The following IL27RA variants were observed in gnomAD, a reference collection of about 807,000 sequenced individuals.
IL27RA encodes interleukin 27 receptor subunit alpha, also known as interleukin-27 receptor subunit alpha.
In IL27RA, 61 loss-of-function variants were observed where a neutral mutation model predicts 80.8. The ratio of observed to expected loss-of-function variants is 0.76; its 90% CI spans 0.61 to 0.93. The LOEUF is 0.93. Among genes scored for constraint, IL27RA ranks in the 40% least tolerant of loss-of-function variants. The pLI, the probability that IL27RA is intolerant of heterozygous loss-of-function variation, is 0.00. For synonymous variants in IL27RA, 316 were observed against 332.5 expected (o/e 0.95, Z 0.54); for missense variants, 735 against 808.1 (o/e 0.91, Z 1.10).
At chr19:14,039,410 G>A in intron 2 of IL27RA, 98 bp from the exon 3 acceptor site, 5 of 1,392,966 alleles carry the variant, frequency 3.6e-6, no homozygotes, top group Non-Finnish European at 4.9e-6. Flanking sequence ...TTGAACCCAA[G>A]CAGAGCAGGC....
intron 6 of IL27RA, among the ~76,000 whole-genome samples, chr19:14,044,583 A>G (rs1001850284): frequency 6.6e-6 from 1 of 152,050 alleles, no homozygotes; most frequent in Admixed American, 6.6e-5. Flanking sequence ...TCAAGGACCA[A>G]CTGCCTGTTT....
In IL27RA at chr19:14,042,332, C is replaced by G. The variant is rs541646499; in HGVS notation, c.535-121C>G. The G allele has an allele frequency of 6.4e-6, 7 of 1,086,528 alleles. No homozygotes were observed. The East Asian group carries it at 1.4e-4, about 22-fold the overall frequency. 67.3% of individuals were successfully genotyped at this position (1,086,528 alleles called of 1,614,324 possible). On this transcript the variant is annotated intron_variant, in intron 4 of 13. Coordinates refer to ENST00000263379, the MANE Select transcript of IL27RA (RefSeq NM_004843.4). The stretch of plus-strand genomic sequence containing the variant: ...AGTGAGCCAAGATCACACCACTGCA[C>G]TCTAGCCTGGGCCACAACGAGACTG...
At chr19:14,044,126 C>T (rs771054969) in intron 6 of IL27RA, among the ~76,000 whole-genome samples, 26 of 151,700 alleles carry the variant, frequency 1.7e-4, no homozygotes, top group Non-Finnish European at 3.4e-4. Flanking sequence ...ATCTGTGAAG[C>T]ACCTGCTATG....
At position 14,042,756 on chromosome 19, in the gene IL27RA, G is replaced by A. The variant is rs780931987; in HGVS notation, c.735G>A (p.Thr245=). ...GGGTATCAGGGAACCTCTGTGGGAC[G>A]CCTGGAGGAGAGGAACCTTTGCTTC... The part of the protein sequence containing the change: ...DVWVSGNLCG[T]PGGEEPLLLW... Residue 245 remains threonine (T), a synonymous_variant, in exon 6 of 14, where the codon ACG becomes ACA. Transcript: ENST00000263379. The A allele has an allele frequency of 2.8e-5, 46 of 1,614,154 alleles. No individual in the cohort carries two copies. The Admixed American group carries it at 5.5e-4, about 19-fold the overall frequency.
intron 8 of IL27RA, among the ~76,000 whole-genome samples, chr19:14,047,392 T>A (rs1412318175): frequency 6.7e-6 from 1 of 150,120 alleles, no homozygotes; most frequent in Non-Finnish European, 1.5e-5. Flanking sequence ...GCTGGCTCTG[T>A]CACCCAGGCT....
chr19:14,042,593 C>T lies in IL27RA; in HGVS notation c.675C>T (p.Ser225=). 1 of 1,614,096 alleles carries T rather than the reference C, an allele frequency of 6.2e-7. No homozygotes were observed. The highest frequency in any genetic ancestry group is 8.5e-7 in the Non-Finnish European group (1 of 1,180,022). The change falls in exon 5 of 14, where the codon TCC becomes TCT. Residue 225 remains serine (S), a synonymous_variant. Coordinates refer to ENST00000263379, the MANE Select transcript of IL27RA (RefSeq NM_004843.4). ...DLWGEWSPIL[S]FQTPPSAPKD... is the part of the protein sequence containing the mutation. ...GGGGCGAGTGGAGCCCCATTTTGTCCTTCCAGACACCGCCTTCTGGTGAGG... is the reference window on the plus strand; with the variant it reads ...GGGGCGAGTGGAGCCCCATTTTGTCTTTCCAGACACCGCCTTCTGGTGAGG...
chr19:14,031,990 C>A lies in IL27RA; in HGVS notation c.100+18C>A. 1.3e-6 allele frequency: 2 copies of A among 1,592,954 alleles called. No homozygotes were observed. Among genetic ancestry groups the A allele is most frequent in the Non-Finnish European group, 1.7e-6 (2 of 1,167,034 alleles). ...TCCCCAGGGTGAGTGCTGGAGGGAGCTCGTGTCCCGGGCGCTGCCGCTGCG... is the reference window on the plus strand; with the variant it reads ...TCCCCAGGGTGAGTGCTGGAGGGAGATCGTGTCCCGGGCGCTGCCGCTGCG... On this transcript the variant is annotated intron_variant, in intron 1 of 13. Transcript: ENST00000263379.
intron 4 of IL27RA, among the ~76,000 whole-genome samples, chr19:14,041,865 A>G (rs2145690575): frequency 6.6e-6 from 1 of 152,214 alleles, no homozygotes; most frequent in South Asian, 2.1e-4. Context: ...CAGGAGTTCA[A>G]GACCAGCCTG....
chr19:14,050,699 T>C, intron 10 of IL27RA, 59 bp from the exon 11 acceptor site: 2 of 1,558,480 alleles, frequency 1.3e-6, no homozygotes, highest in East Asian at 2.3e-5. Context: ...GAAGAGCACA[T>C]GCAAAGGCCC....
chr19:14,049,054 C>T lies in IL27RA; in HGVS notation c.1215C>T (p.Ser405=), dbSNP rs764585349. 8 of 1,613,904 alleles carry T rather than the reference C, an allele frequency of 5.0e-6. No homozygotes were observed. In the East Asian group the frequency reaches 1.6e-4, roughly 31 times the overall value. ...CTGCTTCAGGCTTGGCCTCTGCATC[C>T]TCCGTCTGGGGGTTCAGGGAGGAAT... ...AVSASGLASA[S]SVWGFREELA... is the part of the protein sequence containing the mutation. The change falls in exon 9 of 14, where the codon TCC becomes TCT. Residue 405 remains serine, a synonymous_variant. Coordinates refer to ENST00000263379, the MANE Select transcript of IL27RA (RefSeq NM_004843.4).
At chr19:14,037,823 GCT>G (rs1555764845) in intron 2 of IL27RA, among the ~76,000 whole-genome samples, 2 of 135,522 alleles carry the variant, frequency 1.5e-5, no homozygotes, top group South Asian at 2.7e-4. Context: ...AGACCCTCTC[GCT>G]CTCTCTCTCT....
rs1034113888 is a variant in IL27RA at position 14,033,932 on chromosome 19, C to G, written c.218+1429C>G. On this transcript the variant is annotated intron_variant, in intron 2 of 13. Transcript: ENST00000263379. ...TGAGCTGAGATCGCACCACTGCACT[C>G]CAGCCTGGCCGACAGAGCGAGACTC... Among the ~76,000 whole-genome samples the G allele has an allele frequency of 2.4e-4, 37 of 152,076 alleles. 1 individual carries two copies. Among genetic ancestry groups the G allele is most frequent in the Admixed American group, 3.3e-4 (5 of 15,238 alleles).
chr19:14,039,750 C>T lies in IL27RA; in HGVS notation c.377-3C>T, dbSNP rs1975962030. On this transcript the variant is annotated splice_region_variant and splice_polypyrimidine_tract_variant and intron_variant, in intron 3 of 13. Transcript: ENST00000263379. ...CACTACACCCTAGTTTCCCCTTCCCCAGTGAAGCCAAACGCCCCCCGGCTG... is the reference window on the plus strand; with the variant it reads ...CACTACACCCTAGTTTCCCCTTCCCTAGTGAAGCCAAACGCCCCCCGGCTG... 6.2e-7 allele frequency: 1 copy of T among 1,613,058 alleles called. No individual in the cohort carries two copies. The highest frequency in any genetic ancestry group is 8.5e-7 in the Non-Finnish European group (1 of 1,179,418).
chr19:14,034,577 T>G (rs1332761765), intron 2 of IL27RA, among the ~76,000 whole-genome samples: 1 of 148,722 alleles, frequency 6.7e-6, no homozygotes, highest in South Asian at 2.1e-4. Context: ...GGAGAATCGC[T>G]GGAACTCGGG....
intron 11 of IL27RA, 53 bp downstream of exon 11, chr19:14,050,936 G>A (rs1028960893): frequency 1.9e-6 from 3 of 1,545,656 alleles, no homozygotes; most frequent in Non-Finnish European, 2.6e-6. Flanking sequence ...TCCACAGTGG[G>A]GAGAGGTAGC....
intron 8 of IL27RA, among the ~76,000 whole-genome samples, 197 bp from the exon 9 acceptor site, chr19:14,048,784 C>T (rs1020700753): frequency 2.0e-5 from 3 of 152,190 alleles, no homozygotes; most frequent in African/African-American, 7.2e-5. Flanking sequence ...CAGTTGTCCA[C>T]AGTGAGAACC....
Position 14,052,195 on chromosome 19 carries a change from A to G in IL27RA, c.1816A>G (p.Thr606Ala). Residue 606 changes from threonine (T) to alanine (A), a missense_variant, in exon 14 of 14, where the codon ACC becomes GCC. Coordinates refer to ENST00000263379, the MANE Select transcript of IL27RA (RefSeq NM_004843.4). The part of the protein sequence containing the change: ...VMESSQPAQA[T>A]APLDSGYEKH... ...GGAGTCCTCCCAGCCCGCCCAGGCC[A>G]CCGCCCCGCTTGACTCTGGGTATGA... 2 of 1,609,456 alleles carry G rather than the reference A, an allele frequency of 1.2e-6. No homozygotes were observed. Among genetic ancestry groups the G allele is most frequent in the Non-Finnish European group, 1.7e-6 (2 of 1,177,914 alleles).
chr19:14,051,078 C>G (rs1976155152), intron 11 of IL27RA, among the ~76,000 whole-genome samples, 195 bp downstream of exon 11: 1 of 150,936 alleles, frequency 6.6e-6, no homozygotes, highest in Non-Finnish European at 1.5e-5. Context: ...GTGAGACCCC[C>G]TTCTCTACAA....
At chr19:14,044,708 C>A (rs959870436) in intron 6 of IL27RA, among the ~76,000 whole-genome samples, 2 of 151,134 alleles carry the variant, frequency 1.3e-5, no homozygotes, top group Non-Finnish European at 2.9e-5. Flanking sequence ...TATTTTGGAC[C>A]GAGTGGGTGG....
Sources: gnomAD v4.1 joint callset for allele counts (sites outside exome capture counted in the v4.1 genomes callset) on GRCh38, gnomAD v4.1.1 for gene constraint, MANE v1.5 for transcripts, NCBI Gene and HGNC (gene_info 2026-07-23, HGNC 2026-07-21) for gene names.